Variants in ZNF507 observed in about 807,000 individuals in gnomAD.
ZNF507 encodes zinc finger protein 507.
ZNF507 carries 29 observed loss-of-function variants against 80.0 expected under a neutral mutation model. That is an observed-to-expected ratio of 0.36 (90% CI 0.27 to 0.49). ZNF507 has a LOEUF of 0.49. ZNF507 is among the 20% of genes least tolerant of loss of function. The pLI is 0.98. For missense variants in ZNF507, 1,081 were observed against 1,152.2 expected (o/e 0.94, Z 0.90); for synonymous variants, 462 against 422.5 (o/e 1.09, Z -1.15).
chr19:32,350,381 T>G (rs1331689435), intron 2 of ZNF507, among the ~76,000 whole-genome samples: 1 of 152,222 alleles, frequency 6.6e-6, no homozygotes, highest in African/African-American at 2.4e-5. Flanking sequence ...AATGAGATAC[T>G]TACATAAATG....
At chr19:32,365,590 A>G (rs1371878256) in intron 5 of ZNF507, among the ~76,000 whole-genome samples, 3 of 152,050 alleles carry the variant, frequency 2.0e-5, no homozygotes, top group Non-Finnish European at 2.9e-5. Flanking sequence ...AATTTTTCAT[A>G]TTAGATGGTC....
chr19:32,348,377 A>C (rs1439751432), intron 2 of ZNF507, among the ~76,000 whole-genome samples: 2 of 151,934 alleles, frequency 1.3e-5, no homozygotes, highest in African/African-American at 4.8e-5. Context: ...ATCATATTGT[A>C]CTTTTCTTCA....
At position 32,368,656 on chromosome 19, in the gene ZNF507, T is replaced by G. The variant is rs549840861; in HGVS notation, c.2360+8038T>G. Among the ~76,000 whole-genome samples the G allele has an allele frequency of 3.3e-5, 5 of 152,286 alleles. No homozygotes were observed. In the South Asian group the frequency reaches 8.3e-4, roughly 25 times the overall value. On this transcript the variant is annotated intron_variant, in intron 5 of 6. Transcript: ENST00000355898. ...AAGGAAAATAGTGAAGGAGATAGTT[T>G]TATCAGGAGGAAAAAATATATATTT...
Position 32,354,225 on chromosome 19 carries a change from C to T in ZNF507, c.1395C>T (p.Asp465=), listed in dbSNP as rs200009091. Residue 465 remains aspartate (D), a synonymous_variant, in exon 3 of 7, where the codon GAC becomes GAT. Coordinates refer to ENST00000355898, the MANE Select transcript of ZNF507 (RefSeq NM_001136156.2). ...IIGWSSSEKK[D]ELMNKGLATD... is the part of the protein sequence containing the mutation. ...GCTGGAGCAGTTCAGAGAAAAAAGA[C>T]GAGTTAATGAATAAAGGCCTGGCTA... The T allele has an allele frequency of 1.8e-5, 29 of 1,613,958 alleles. No individual in the cohort carries two copies. Among genetic ancestry groups the T allele is most frequent in the East Asian group, 6.7e-5 (3 of 44,858 alleles).
intron 5 of ZNF507, among the ~76,000 whole-genome samples, chr19:32,375,895 T>G (rs1441047320): frequency 6.6e-6 from 1 of 152,250 alleles, no homozygotes; most frequent in Non-Finnish European, 1.5e-5. Context: ...CTGTCTGTAT[T>G]CCTAGAATAA....
At chr19:32,372,987 A>C (rs918741808) in intron 5 of ZNF507, among the ~76,000 whole-genome samples, 7 of 152,200 alleles carry the variant, frequency 4.6e-5, no homozygotes, top group African/African-American at 1.7e-4. Context: ...TCCAAGCTCA[A>C]GGTGTCAGCA....
At chr19:32,379,278 A>T (rs1358124614) in intron 5 of ZNF507, among the ~76,000 whole-genome samples, 1 of 152,244 alleles carries the variant, frequency 6.6e-6, no homozygotes, top group Admixed American at 6.5e-5. Context: ...CATCTCAGAT[A>T]TAAATGGGCA....
intron 5 of ZNF507, 43 bp from the exon 6 acceptor site, chr19:32,382,424 T>A (rs757383355): frequency 6.2e-7 from 1 of 1,603,512 alleles, no homozygotes; most frequent in Non-Finnish European, 8.5e-7. Context: ...TTCACTGATG[T>A]TATGGGACCG....
rs1470627210 is a variant in ZNF507, at chr19:32,356,596, T to C, written c.2128-20T>C. 1.3e-6 allele frequency: 2 copies of C among 1,570,546 alleles called. No homozygotes were observed. The highest frequency in any genetic ancestry group is 2.2e-5 in the East Asian group (1 of 44,614). On this transcript the variant is annotated intron_variant, in intron 3 of 6. Coordinates refer to ENST00000355898, the MANE Select transcript of ZNF507 (RefSeq NM_001136156.2). ...ACATGTATATTTATTGAAAATTACA[T>C]ATTTCTTTCCACTTTTTAGAGTCAA... is the stretch of plus-strand genomic sequence containing the variant.
At chr19:32,365,244 C>G (rs961630077) in intron 5 of ZNF507, among the ~76,000 whole-genome samples, 1 of 152,068 alleles carries the variant, frequency 6.6e-6, no homozygotes, top group Non-Finnish European at 1.5e-5. Flanking sequence ...GGATATTAGT[C>G]CTTTGTCAGA....
rs1217092830 is a variant in ZNF507, at chr19:32,354,024, A to G, written c.1194A>G (p.Ile398Met). 1 of 1,614,166 alleles carries G rather than the reference A, an allele frequency of 6.2e-7. No homozygotes were observed. Among genetic ancestry groups the G allele is most frequent in the Admixed American group, 1.7e-5 (1 of 60,024 alleles). ...ATAAAAAAGGGCATGTTAACGTGAT[A>G]GTGGAGCGATTGCCAAGTGCTGAAG... ...SPNKKGHVNV[I>M]VERLPSAEET... Residue 398 changes from isoleucine (I) to methionine (M), a missense_variant, in exon 3 of 7, where the codon ATA (isoleucine) becomes ATG (methionine). Ile to Met is a conservative substitution (Grantham distance 10). Transcript: ENST00000355898.
chr19:32,359,529 G>A (rs987390770), intron 4 of ZNF507: 2 of 152,184 alleles, frequency 1.3e-5, no homozygotes, highest in African/African-American at 4.8e-5. Flanking sequence ...CCTGTGGACT[G>A]TATGCTGACA....
chr19:32,352,790 G>A, intron 2 of ZNF507, 39 bp from the exon 3 acceptor site: 1 of 1,509,164 alleles, frequency 6.6e-7, no homozygotes, highest in Non-Finnish European at 8.9e-7. Context: ...TAATTATCCT[G>A]TAACCTGGTA....
In ZNF507 at chr19:32,386,528, A is replaced by G. The variant is rs1400107221; in HGVS notation, c.*3445A>G. ...TGTGTAACACTATGGCATTGCTTCT[A>G]TAGCCAAAGTATAAAAATTTCTGGA... On this transcript the variant is annotated 3_prime_UTR_variant, in exon 7 of 7. Coordinates refer to ENST00000355898, the MANE Select transcript of ZNF507 (RefSeq NM_001136156.2). 2.0e-5 allele frequency: 3 copies of G among 152,634 alleles called. No homozygotes were observed. Among genetic ancestry groups the G allele is most frequent in the African/African-American group, 4.8e-5 (2 of 41,454 alleles). The allele number at this position is 152,634 out of a possible 1,614,324, so 9.5% of individuals were successfully genotyped here. A position where few individuals can be genotyped will look rare whatever the true frequency, so the allele number is the denominator to read the frequency against.
At position 32,353,651 on chromosome 19, in the gene ZNF507, T is replaced by C. The variant is rs1568302858; in HGVS notation, c.821T>C (p.Val274Ala). The change falls in exon 3 of 7, where the codon GTT becomes GCT. Residue 274 changes from valine (V) to alanine (A), a missense_variant. Physicochemically the swap from Val to Ala is moderately conservative, Grantham distance 64. Around this residue, in one of 6 missense-constraint regions of ZNF507, gnomAD observed 614 missense variants for 583.9 expected, o/e 1.05. Transcript: ENST00000355898. ...CACGCTTGGAAACATGCTGGGGAGG[T>C]TGATTGCTCCTATCCAATCTTTGAA... ...KTHAWKHAGE[V>A]DCSYPIFENE... 1 of 1,613,906 alleles carries C rather than the reference T, an allele frequency of 6.2e-7. No individual in the cohort carries two copies. The highest frequency in any genetic ancestry group is 8.5e-7 in the Non-Finnish European group (1 of 1,179,994).
At chr19:32,370,295 TTTTAA>T (rs1418223543) in intron 5 of ZNF507, among the ~76,000 whole-genome samples, 1 of 152,220 alleles carries the variant, frequency 6.6e-6, no homozygotes, top group Non-Finnish European at 1.5e-5. Context: ...GTAGTTCTGT[TTTTAA>T]TTTCTTTAGG....
chr19:32,379,025 C>CA (rs1967590172), intron 5 of ZNF507, among the ~76,000 whole-genome samples: 1 of 152,194 alleles, frequency 6.6e-6, no homozygotes, highest in Middle Eastern at 3.2e-3. Context: ...TCTTGGCTGG[C>CA]AATGAGCTGG....
chr19:32,362,921 T>C (rs1268063511), intron 5 of ZNF507, among the ~76,000 whole-genome samples: 2 of 152,248 alleles, frequency 1.3e-5, no homozygotes, highest in Non-Finnish European at 2.9e-5. Flanking sequence ...TATTTTCTAA[T>C]GTCATGGCTC....
intron 5 of ZNF507, among the ~76,000 whole-genome samples, chr19:32,379,138 G>A (rs1035909926): frequency 4.7e-4 from 71 of 152,160 alleles, no homozygotes; most frequent in Non-Finnish European, 5.1e-4. Context: ...CACCACGACC[G>A]TGTGACAGTC....
Sources: gnomAD v4.1 joint callset for allele counts (sites outside exome capture counted in the v4.1 genomes callset) on GRCh38, gnomAD v4.1.1 for gene constraint, gnomAD v4.1.1 regional missense constraint, MANE v1.5 for transcripts, NCBI Gene and HGNC (gene_info 2026-07-23, HGNC 2026-07-21) for gene names.